The following EYS variants were observed in gnomAD, a reference collection of about 807,000 sequenced individuals.
The protein encoded by EYS is EGF-like photoreceptor maintenance factor.
EYS carries 250 observed loss-of-function variants against 282.1 expected under a neutral mutation model. The ratio of observed to expected loss-of-function variants is 0.89; its 90% CI spans 0.80 to 0.98. The LOEUF is 0.98. Ranked by LOEUF, EYS falls within the 50% of genes least tolerant of loss-of-function variation. The pLI, the probability that EYS is intolerant of heterozygous loss-of-function variation, is 0.00. For synonymous variants in EYS, 1,355 were observed against 1,282.9 expected (o/e 1.06, Z -1.20); for missense variants, 4,016 against 3,709.0 (o/e 1.08, Z -2.15).
chr6:64,952,434 T>C (rs1266374749), intron 14 of EYS, among the ~76,000 whole-genome samples: 1 of 151,958 alleles, frequency 6.6e-6, no homozygotes, highest in African/African-American at 2.4e-5. Flanking sequence ...CAGCACTGAG[T>C]ATAGGACGTA....
chr6:65,630,829 A>T (rs1201536701), intron 2 of EYS, among the ~76,000 whole-genome samples: 2 of 152,232 alleles, frequency 1.3e-5, no homozygotes, highest in Non-Finnish European at 2.9e-5. Flanking sequence ...TATAAAAATT[A>T]TTGAGAAAAG....
intron 2 of EYS, among the ~76,000 whole-genome samples, chr6:65,507,162 CT>C (rs1264646859): frequency 6.6e-6 from 1 of 151,996 alleles, no homozygotes; most frequent in Non-Finnish European, 1.5e-5. Context: ...AAAGTTTTTA[CT>C]TCTTCACTTT....
chr6:64,235,682 T>C (rs962840129), intron 30 of EYS, among the ~76,000 whole-genome samples: 2 of 152,168 alleles, frequency 1.3e-5, no homozygotes, highest in Admixed American at 6.5e-5. Flanking sequence ...TCCACAATGG[T>C]TGAACTAGTT....
At chr6:65,392,330 T>TTAA (rs1019838536) in intron 7 of EYS, among the ~76,000 whole-genome samples, 104 of 152,078 alleles carry the variant, frequency 6.8e-4, no homozygotes, top group Middle Eastern at 3.4e-3. Flanking sequence ...TGGGATCTAA[T>TTAA]TAAACTAAAG....
intron 37 of EYS, chr6:63,797,540 T>C: frequency 6.6e-6 from 1 of 152,306 alleles, no homozygotes; most frequent in East Asian, 1.9e-4. Context: ...TATAGTCTCT[T>C]TTTATCTTAG....
At chr6:64,817,980 G>T (rs1044831182) in intron 21 of EYS, among the ~76,000 whole-genome samples, 2 of 152,004 alleles carry the variant, frequency 1.3e-5, no homozygotes, top group Admixed American at 6.6e-5. Context: ...TATTCACTAC[G>T]AGTTAAAGCA....
intron 12 of EYS, among the ~76,000 whole-genome samples, chr6:65,156,037 C>A (rs570128273): frequency 2.6e-5 from 4 of 151,378 alleles, no homozygotes; most frequent in Non-Finnish European, 4.4e-5. Context: ...CTTTTAACTT[C>A]TTTTCAAAGA....
At chr6:65,081,616 A>C (rs948565412) in intron 12 of EYS, among the ~76,000 whole-genome samples, 4 of 152,126 alleles carry the variant, frequency 2.6e-5, no homozygotes, top group African/African-American at 9.6e-5. Flanking sequence ...TCACTTAAAG[A>C]GAATTTTGAC....
chr6:65,005,292 C>T lies in EYS; in HGVS notation c.2138-7589G>A, dbSNP rs925628869. Among the ~76,000 whole-genome samples the T allele has an allele frequency of 4.7e-5, 7 of 147,926 alleles. 1 individual carries two copies. Among genetic ancestry groups the T allele is most frequent in the Admixed American group, 2.7e-4 (4 of 14,900 alleles). ...CTGCGTTCATCCTAATCGAGCTGAACGCTAGTCACTGGGTTCCACGGTTCT... is the reference window on the plus strand; with the variant it reads ...CTGCGTTCATCCTAATCGAGCTGAATGCTAGTCACTGGGTTCCACGGTTCT... On this transcript the variant is annotated intron_variant, in intron 13 of 42. Transcript: ENST00000503581.
intron 26 of EYS, among the ~76,000 whole-genome samples, chr6:64,545,650 G>A (rs1359787860): frequency 2.0e-5 from 3 of 152,166 alleles, no homozygotes; most frequent in African/African-American, 7.2e-5. Context: ...ATCTCCTCAA[G>A]CTGATAGGCA....
chr6:64,608,184 T>A (rs910309081), intron 24 of EYS, among the ~76,000 whole-genome samples: 1 of 152,182 alleles, frequency 6.6e-6, no homozygotes, highest in African/African-American at 2.4e-5. Context: ...AATCCATTCA[T>A]GTTTTCGTTC....
chr6:65,430,221 G>A (rs1389049418), intron 5 of EYS, among the ~76,000 whole-genome samples: 1 of 152,134 alleles, frequency 6.6e-6, no homozygotes. Flanking sequence ...AGCACTCATA[G>A]TATCCTTTTT....
intron 31 of EYS, among the ~76,000 whole-genome samples, chr6:64,166,287 G>A (rs1218697381): frequency 6.6e-6 from 1 of 152,164 alleles, no homozygotes; most frequent in African/African-American, 2.4e-5. Context: ...CGCTTAACGA[G>A]TATTCCCATA....
chr6:65,398,893 T>C (rs774135564), intron 7 of EYS, among the ~76,000 whole-genome samples: 1 of 152,166 alleles, frequency 6.6e-6, no homozygotes, highest in Non-Finnish European at 1.5e-5. Flanking sequence ...ACTGTTAAGG[T>C]TTATTTCCCA....
chr6:65,115,966 A>AATCTATCTATCTATCTATCT (rs3036006), intron 12 of EYS, among the ~76,000 whole-genome samples: 4 of 144,856 alleles, frequency 2.8e-5, no homozygotes, highest in South Asian at 2.2e-4. Context: ...CTGTCTATCT[A>AATCTATCTATCTATCTATCT]ATCTATCTAT....
At position 64,429,020 on chromosome 6, in the gene EYS, C is replaced by A. The variant is rs78068900; in HGVS notation, c.5927+7154G>T. ...GAGGTCCAGACGACTTATAGACTGA[C>A]ATCAGCTACATAATTTCAGCTGAAC... is the stretch of plus-strand genomic sequence containing the variant. On this transcript the variant is annotated intron_variant, in intron 28 of 42. Coordinates refer to ENST00000503581, the MANE Select transcript of EYS (RefSeq NM_001142800.2). 2.4e-3 allele frequency among the ~76,000 whole-genome samples: 363 copies of A among 152,152 alleles called. 1 individual carries two copies. Among genetic ancestry groups the A allele is most frequent in the African/African-American group, 8.4e-3 (348 of 41,510 alleles).
intron 30 of EYS, among the ~76,000 whole-genome samples, chr6:64,302,343 G>A (rs1769265226): frequency 6.6e-6 from 1 of 152,140 alleles, no homozygotes; most frequent in South Asian, 2.1e-4. Context: ...TAACCCTAGA[G>A]GGTTCTAGTC....
At chr6:64,052,885 C>A (rs1770859612) in intron 33 of EYS, among the ~76,000 whole-genome samples, 9 of 152,170 alleles carry the variant, frequency 5.9e-5, no homozygotes. Context: ...AGGACTTCCC[C>A]AGCCATGCCG....
intron 26 of EYS, among the ~76,000 whole-genome samples, chr6:64,521,217 G>A (rs931834928): frequency 1.3e-5 from 2 of 151,798 alleles, no homozygotes; most frequent in African/African-American, 2.4e-5. Flanking sequence ...TCAAGTTGCA[G>A]TTTGCTTACA....
Sources: allele counts gnomAD v4.1 joint callset (sites outside exome capture counted in the v4.1 genomes callset), GRCh38; gene constraint gnomAD v4.1.1; transcripts MANE v1.5; gene names NCBI Gene and HGNC (gene_info 2026-07-23, HGNC 2026-07-21).